NDUFAF6: variants seen among roughly 807,000 people sequenced by gnomAD.
The protein encoded by NDUFAF6 is NADH:ubiquinone oxidoreductase complex assembly factor 6.
A neutral mutation model predicts 40.8 loss-of-function variants in NDUFAF6; 45 were observed. The ratio of observed to expected loss-of-function variants is 1.10; its 90% CI spans 0.87 to 1.42. The LOEUF (loss-of-function observed/expected upper bound fraction) is 1.42. Ranked by LOEUF, NDUFAF6 falls within the 40% of genes most tolerant of loss-of-function variation. The pLI is 0.00. For missense variants in NDUFAF6, 435 were observed against 418.5 expected (o/e 1.04, Z -0.34); for synonymous variants, 185 against 155.9 (o/e 1.19, Z -1.39).
At chr8:95,078,658 A>ATATATATATAT (rs1434290595), downstream of NDUFAF6, 7 of 62,700 alleles carry the variant, frequency 1.1e-4, no homozygotes, top group African/African-American at 3.6e-4. Context: ...TTAAAAAAAA[A>ATATATATATAT]AAAAATATAT....
At chr8:94,911,103 A>G (rs568072067) in intron 1 of NDUFAF6, among the ~76,000 whole-genome samples, 4 of 152,342 alleles carry the variant, frequency 2.6e-5, no homozygotes, top group Non-Finnish European at 5.9e-5. Context: ...CACCTCAGCT[A>G]TTAAAATTTG....
At chr8:94,974,794 G>C (rs187901180) in intron 1 of NDUFAF6, 186 of 171,336 alleles carry the variant, frequency 1.1e-3, no homozygotes, top group African/African-American at 4.1e-3. Flanking sequence ...GCCTTTCCTT[G>C]TTAAGGGGGT....
Position 94,946,696 on chromosome 8 carries a change from CA to C in NDUFAF6, c.-799+1101del, listed in dbSNP as rs71273438. Among the ~76,000 whole-genome samples the C allele has an allele frequency of 7.3e-3, 254 of 34,672 alleles. 6 individuals carry two copies. Among genetic ancestry groups the C allele is most frequent in the East Asian group, 0.034 (29 of 842 alleles). 22.7% of individuals were successfully genotyped at this position (34,672 alleles called of 152,430 possible). A position where few individuals can be genotyped will look rare whatever the true frequency, so the allele number is the denominator to read the frequency against. The stretch of plus-strand genomic sequence containing the variant: ...TGGTCAACAGAGTAAGACCCTGTCT[CA>C]AAAAAAAAAAAAAAAAAAAAAAAGA... On this transcript the variant is annotated intron_variant, in intron 2 of 14. Transcript: ENST00000396113.
intron 6 of NDUFAF6, 112 bp from the exon 7 acceptor site, chr8:95,048,345 T>C: frequency 2.6e-6 from 2 of 770,088 alleles, no homozygotes; most frequent in Non-Finnish European, 4.6e-6. Context: ...TTCTGTCACG[T>C]GTTCTCTTGT....
intron 2 of NDUFAF6, among the ~76,000 whole-genome samples, chr8:94,991,460 A>G (rs187399800): frequency 1.8e-4 from 28 of 152,328 alleles, no homozygotes; most frequent in Admixed American, 1.3e-3. Flanking sequence ...AAACTGGGGA[A>G]GTGACTCAGC....
chr8:94,934,183 T>C (rs1820742722), intron 1 of NDUFAF6, among the ~76,000 whole-genome samples: 1 of 151,974 alleles, frequency 6.6e-6, no homozygotes, highest in African/African-American at 2.4e-5. Context: ...GGATATACTC[T>C]AGGATGTTAA....
At chr8:94,950,412 A>T (rs986328541) in intron 2 of NDUFAF6, 3 of 152,284 alleles carry the variant, frequency 2.0e-5, no homozygotes, top group Non-Finnish European at 4.4e-5. Flanking sequence ...TTGGACTGGG[A>T]TGTAGTTCTT....
intron 2 of NDUFAF6, among the ~76,000 whole-genome samples, chr8:95,082,411 TAGAG>T (rs1363205556): frequency 6.6e-6 from 1 of 152,038 alleles, no homozygotes; most frequent in Non-Finnish European, 1.5e-5. Flanking sequence ...GAGGAGTAAA[TAGAG>T]AGGCCCTGGT....
At chr8:95,056,984 G>C (rs140779042) in intron 8 of NDUFAF6, among the ~76,000 whole-genome samples, 1 of 152,036 alleles carries the variant, frequency 6.6e-6, no homozygotes, top group East Asian at 1.9e-4. Flanking sequence ...AAAAAGTCTG[G>C]AAGAAAATAT....
intron 2 of NDUFAF6, among the ~76,000 whole-genome samples, chr8:95,000,697 A>C (rs796284345): frequency 6.6e-6 from 1 of 151,504 alleles, no homozygotes; most frequent in East Asian, 1.9e-4. Flanking sequence ...GCACTTTGAG[A>C]GGCTGAGGCG....
chr8:94,900,777 A>G (rs770522164), intron 1 of NDUFAF6, among the ~76,000 whole-genome samples: 4 of 152,192 alleles, frequency 2.6e-5, no homozygotes, highest in Admixed American at 6.5e-5. Flanking sequence ...ACGGATAACT[A>G]TTGTTAAGCA....
intron 2 of NDUFAF6, among the ~76,000 whole-genome samples, chr8:94,952,101 C>A (rs1380607351): frequency 6.6e-6 from 1 of 152,248 alleles, no homozygotes; most frequent in Non-Finnish European, 1.5e-5. Flanking sequence ...GTTCTCCTGT[C>A]TGTTTTCCAT....
chr8:95,058,217 A>G lies in NDUFAF6; in HGVS notation c.*280A>G. The G allele has an allele frequency of 7.2e-7, 1 of 1,390,480 alleles. No individual in the cohort carries two copies. The highest frequency in any genetic ancestry group is 9.3e-7 in the Non-Finnish European group (1 of 1,080,134). 86.1% of individuals were successfully genotyped at this position (1,390,480 alleles called of 1,614,324 possible). A position where few individuals can be genotyped will look rare whatever the true frequency, so the allele number is the denominator to read the frequency against. ...ACAGGGAATATTGGTGTAGCTGTGC[A>G]TAGGCCATAAGCCACACTTGAGCCA... On this transcript the variant is annotated 3_prime_UTR_variant, in exon 9 of 9. Coordinates refer to ENST00000396124, the MANE Select transcript of NDUFAF6 (RefSeq NM_152416.4).
At chr8:95,019,173 G>C (rs1727440558) in intron 2 of NDUFAF6, among the ~76,000 whole-genome samples, 1 of 152,160 alleles carries the variant, frequency 6.6e-6, no homozygotes, top group African/African-American at 2.4e-5. Flanking sequence ...ACCATGCCCA[G>C]TTAATTTTTG....
At chr8:94,959,455 A>G (rs1823371540) in intron 1 of NDUFAF6, among the ~76,000 whole-genome samples, 1 of 152,190 alleles carries the variant, frequency 6.6e-6, no homozygotes, top group South Asian at 2.1e-4. Flanking sequence ...ACCCTCAGAA[A>G]GTCCAGTTCC....
intron 1 of NDUFAF6, among the ~76,000 whole-genome samples, chr8:94,941,816 G>A (rs2945557): frequency 6.6e-6 from 1 of 152,216 alleles, no homozygotes; most frequent in Non-Finnish European, 1.5e-5. Context: ...ACCTTAGGGA[G>A]TTCTGGTGAG....
chr8:94,973,525 A>G (rs916886398), intron 1 of NDUFAF6, among the ~76,000 whole-genome samples: 14 of 152,060 alleles, frequency 9.2e-5, no homozygotes, highest in Non-Finnish European at 1.6e-4. Flanking sequence ...TAGCTAACAC[A>G]GTGAAACCCT....
At chr8:95,050,369 G>A (rs1038929327) in intron 7 of NDUFAF6, among the ~76,000 whole-genome samples, 2 of 152,210 alleles carry the variant, frequency 1.3e-5, no homozygotes, top group Non-Finnish European at 1.5e-5. Context: ...GGATTGAAGA[G>A]ATTATGGAGT....
chr8:94,909,348 C>CAAAAAA lies in NDUFAF6; in HGVS notation c.-936+13450_-936+13455dup, dbSNP rs556065794. ...TGGACGACAGAGGGAGACTCCGTCTCAAAAAAAAAAAAAAAAAAAAAAAAA... is the reference window on the plus strand; with the variant it reads ...TGGACGACAGAGGGAGACTCCGTCTCAAAAAAAAAAAAAAAAAAAAAAAAAAAAAAA... On this transcript the variant is annotated intron_variant, in intron 1 of 14. Coordinates refer to the NDUFAF6 transcript ENST00000396113. 9.4e-4 allele frequency among the ~76,000 whole-genome samples: 86 copies of CAAAAAA among 91,902 alleles called. 6 individuals are homozygous for CAAAAAA. Among genetic ancestry groups the CAAAAAA allele is most frequent in the African/African-American group, 2.1e-3 (42 of 19,648 alleles). 60.3% of individuals were successfully genotyped at this position (91,902 alleles called of 152,430 possible). A position where few individuals can be genotyped will look rare whatever the true frequency, so the allele number is the denominator to read the frequency against.
Sources: gnomAD v4.1 joint callset for allele counts (sites outside exome capture counted in the v4.1 genomes callset) on GRCh38, gnomAD v4.1.1 for gene constraint, MANE v1.5 for transcripts, NCBI Gene and HGNC (gene_info 2026-07-23, HGNC 2026-07-21) for gene names.